Variants in FHIT observed in about 807,000 individuals in gnomAD.
FHIT encodes the protein bis(5'-adenosyl)-triphosphatase.
In FHIT, 19 loss-of-function variants were observed where a neutral mutation model predicts 17.9. That is an observed-to-expected ratio of 1.06 (90% confidence interval 0.74 to 1.56). FHIT has a LOEUF of 1.56. Ranked by LOEUF, FHIT falls within the 40% of genes most tolerant of loss-of-function variation. The pLI, the probability that FHIT is intolerant of heterozygous loss-of-function variation, is 0.00. For missense variants in FHIT, 248 were observed against 189.2 expected (o/e 1.31, Z -1.82); for synonymous variants, 81 against 69.7 (o/e 1.16, Z -0.81).
chr3:60,968,519 T>C (rs1709855696), intron 3 of FHIT, among the ~76,000 whole-genome samples: 1 of 151,762 alleles, frequency 6.6e-6, no homozygotes, highest in South Asian at 2.1e-4. Context: ...TTCAAACAAT[T>C]CTCCTGCTTC....
intron 5 of FHIT, among the ~76,000 whole-genome samples, chr3:60,266,196 T>C (rs960280291): frequency 6.6e-6 from 1 of 151,920 alleles, no homozygotes; most frequent in African/African-American, 2.4e-5. Flanking sequence ...GGTACACGCA[T>C]ACAATGGAAT....
chr3:59,775,408 C>T (rs547737832), intron 8 of FHIT, among the ~76,000 whole-genome samples: 1 of 152,302 alleles, frequency 6.6e-6, no homozygotes, highest in East Asian at 1.9e-4. Flanking sequence ...CCTCTAGGTG[C>T]CTACCTCAGT....
intron 4 of FHIT, among the ~76,000 whole-genome samples, chr3:60,802,807 G>C (rs112321720): frequency 6.6e-6 from 1 of 151,860 alleles, no homozygotes; most frequent in Non-Finnish European, 1.5e-5. Flanking sequence ...TGTACACTAC[G>C]TTAGTAACCA....
chr3:60,003,548 C>T (rs1699807833), intron 7 of FHIT, among the ~76,000 whole-genome samples: 1 of 152,022 alleles, frequency 6.6e-6, no homozygotes, highest in South Asian at 2.1e-4. Context: ...AGTTTGAGAC[C>T]AGCCTGGCCA....
intron 1 of FHIT, among the ~76,000 whole-genome samples, chr3:61,224,145 A>T (rs2039907403): frequency 6.6e-6 from 1 of 152,258 alleles, no homozygotes; most frequent in African/African-American, 2.4e-5. Flanking sequence ...AAGTAAGGTC[A>T]GTGAAAAACA....
chr3:61,085,901 T>C (rs1433901065), intron 2 of FHIT, among the ~76,000 whole-genome samples: 2 of 152,190 alleles, frequency 1.3e-5, no homozygotes, highest in Non-Finnish European at 2.9e-5. Flanking sequence ...TATATGTTGC[T>C]GGATTCATTT....
rs183457857 is a variant in FHIT at position 61,079,989 on chromosome 3, T to C, written c.-163-37890A>G. ...TAAATGTCATTTAAAATAAATAAAT[T>C]TTTAAATTAAAATTATCATCAAACT... On this transcript the variant is annotated intron_variant, in intron 2 of 9. Transcript: ENST00000492590. Among the ~76,000 whole-genome samples the C allele has an allele frequency of 5.3e-5, 8 of 152,278 alleles. No homozygotes were observed. In the East Asian group the frequency reaches 1.5e-3, roughly 29 times the overall value.
chr3:60,552,881 T>G (rs2036606509), intron 4 of FHIT, among the ~76,000 whole-genome samples: 1 of 152,206 alleles, frequency 6.6e-6, no homozygotes, highest in African/African-American at 2.4e-5. Context: ...CATGGTTATC[T>G]GCATGTCTGG....
chr3:61,116,950 G>A (rs1007013896), intron 2 of FHIT, among the ~76,000 whole-genome samples: 6 of 152,126 alleles, frequency 3.9e-5, no homozygotes, highest in Admixed American at 2.6e-4. Flanking sequence ...ATAAAGTCAA[G>A]TGTTACTAAT....
chr3:60,020,247 A>C (rs769472952), intron 5 of FHIT, among the ~76,000 whole-genome samples: 3 of 152,232 alleles, frequency 2.0e-5, no homozygotes, highest in Non-Finnish European at 4.4e-5. Context: ...ATAATTGATT[A>C]AAAATATTTT....
At chr3:59,755,075 G>C (rs1334706346) in intron 8 of FHIT, among the ~76,000 whole-genome samples, 12 of 152,194 alleles carry the variant, frequency 7.9e-5, no homozygotes, top group Admixed American at 7.9e-4. Context: ...TGGGAGAAGT[G>C]TGTAGATAGA....
chr3:60,371,327 T>C (rs553403953), intron 5 of FHIT, among the ~76,000 whole-genome samples: 56 of 152,292 alleles, frequency 3.7e-4, no homozygotes, highest in Non-Finnish European at 6.9e-4. Context: ...ATCTTTTTTA[T>C]GCTACAACCA....
chr3:60,691,655 C>G (rs1196873746), intron 4 of FHIT, among the ~76,000 whole-genome samples: 1 of 152,152 alleles, frequency 6.6e-6, no homozygotes, highest in Non-Finnish European at 1.5e-5. Context: ...CTTGAGGTAC[C>G]ACACCTGGCC....
intron 4 of FHIT, among the ~76,000 whole-genome samples, chr3:60,710,614 G>T (rs932800547): frequency 3.3e-5 from 5 of 152,226 alleles, no homozygotes; most frequent in African/African-American, 9.6e-5. Flanking sequence ...CGCACCAGGA[G>T]ATTATATCCC....
At chr3:60,732,557 T>A in intron 4 of FHIT, 1 of 637,012 alleles carries the variant, frequency 1.6e-6, no homozygotes, top group Non-Finnish European at 3.0e-6. Flanking sequence ...TGGAACCTCG[T>A]CTGCAAACAG....
Position 60,043,249 on chromosome 3 carries a change from G to T in FHIT, c.104-29097C>A, listed in dbSNP as rs560903266. ...GCATGGAAGTGGCCAGTCTGCTTTT[G>T]CCAATTCTTTGGGACATTAAACCCA... On this transcript the variant is annotated intron_variant, in intron 5 of 9. Coordinates refer to ENST00000492590, the MANE Select transcript of FHIT (RefSeq NM_002012.4). Among the ~76,000 whole-genome samples the T allele has an allele frequency of 1.2e-4, 18 of 152,306 alleles. No individual in the cohort carries two copies. In the South Asian group the frequency reaches 2.5e-3, roughly 21 times the overall value.
At position 60,037,288 on chromosome 3, in the gene FHIT, T is replaced by C. The variant is rs569704559; in HGVS notation, c.104-23136A>G. ...ATACATACATAATGCTTCAAAAAAA[T>C]GTTTTCCATACTGCCAAATAGGCAC... is the stretch of plus-strand genomic sequence containing the variant. On this transcript the variant is annotated intron_variant, in intron 5 of 9. Coordinates refer to ENST00000492590, the MANE Select transcript of FHIT (RefSeq NM_002012.4). Among the ~76,000 whole-genome samples the C allele has an allele frequency of 4.6e-5, 7 of 152,214 alleles. No individual in the cohort carries two copies. In the East Asian group the frequency reaches 1.2e-3, roughly 25 times the overall value.
intron 5 of FHIT, among the ~76,000 whole-genome samples, chr3:60,215,816 C>T (rs1195264159): frequency 6.6e-6 from 1 of 152,096 alleles, no homozygotes; most frequent in African/African-American, 2.4e-5. Flanking sequence ...AGAGCCTGGG[C>T]TTGGTAACAC....
At chr3:60,318,417 T>TG (rs1046788318) in intron 5 of FHIT, among the ~76,000 whole-genome samples, 1 of 152,088 alleles carries the variant, frequency 6.6e-6, no homozygotes, top group Non-Finnish European at 1.5e-5. Flanking sequence ...GAAAGGCATC[T>TG]GGGGGGTGAA....
Sources: gnomAD v4.1 joint callset for allele counts (sites outside exome capture counted in the v4.1 genomes callset) on GRCh38, gnomAD v4.1.1 for gene constraint, MANE v1.5 for transcripts, NCBI Gene and HGNC (gene_info 2026-07-23, HGNC 2026-07-21) for gene names.